Variants in ARL10 observed in about 807,000 individuals in gnomAD.
The protein encoded by ARL10 is ADP-ribosylation factor-like protein 10.
A neutral mutation model predicts 26.1 loss-of-function variants in ARL10; 23 were observed. The observed-to-expected ratio is 0.88, with a 90% CI of 0.63 to 1.25. The LOEUF is 1.25. Ranked by LOEUF, ARL10 falls within the 50% of genes most tolerant of loss-of-function variation. The pLI, the probability that ARL10 is intolerant of heterozygous loss-of-function variation, is 0.00. For missense variants in ARL10, 300 were observed against 323.6 expected (o/e 0.93, Z 0.56); for synonymous variants, 138 against 149.1 (o/e 0.93, Z 0.54).
At chr5:176,384,780 C>T (rs776287790), downstream of ARL10, 11 of 368,048 alleles carry the variant, frequency 3.0e-5, no homozygotes, top group Non-Finnish European at 2.4e-5. Flanking sequence ...AAAAAAAAGA[C>T]CAGGAAGGCC....
chr5:176,384,671 G>A (rs141990228), downstream of ARL10: 232 of 432,750 alleles, frequency 5.4e-4, 1 homozygote, highest in African/African-American at 3.5e-3. Flanking sequence ...TTGGGAGGCC[G>A]AGGCAGGAGG....
downstream of ARL10, chr5:176,388,900 T>C (rs769320805): frequency 2.5e-6 from 4 of 1,614,148 alleles, no homozygotes; most frequent in Admixed American, 6.7e-5. Flanking sequence ...TGAGCCCCAC[T>C]GTTTACAGGA....
intron 3 of ARL10, among the ~76,000 whole-genome samples, chr5:176,370,728 C>A (rs1279551315): frequency 6.6e-6 from 1 of 152,120 alleles, no homozygotes; most frequent in East Asian, 1.9e-4. Flanking sequence ...TCTAAGGTCC[C>A]AGCAGTCTCT....
At chr5:176,385,362 G>A, downstream of ARL10, 1 of 1,275,392 alleles carries the variant, frequency 7.8e-7, no homozygotes, top group Non-Finnish European at 1.1e-6. Flanking sequence ...GACAGGGAAT[G>A]AGGCTTTGCT....
exon 2 of ARL10, chr5:176,388,629 G>T: frequency 1.5e-6 from 2 of 1,377,884 alleles, no homozygotes; most frequent in Non-Finnish European, 2.0e-6. Flanking sequence ...CGTGCACAAG[G>T]CTTTGCGGGC....
At chr5:176,388,548 C>T (rs748648726) in exon 2 of ARL10, 1 of 1,604,590 alleles carries the variant, frequency 6.2e-7, no homozygotes, top group Non-Finnish European at 8.5e-7. Flanking sequence ...ATCGCGCTGA[C>T]CACCGCACCA....
At chr5:176,389,954 G>A (rs1581416231), downstream of ARL10, among the ~76,000 whole-genome samples, 1 of 152,122 alleles carries the variant, frequency 6.6e-6, no homozygotes, top group East Asian at 1.9e-4. Flanking sequence ...AGGCCGAAGC[G>A]AGCGGATCAC....
At chr5:176,386,696 C>A, downstream of ARL10, 1 of 769,754 alleles carries the variant, frequency 1.3e-6, no homozygotes, top group South Asian at 1.4e-5. Flanking sequence ...AGGACACAGT[C>A]CTAACTCTGT....
At chr5:176,409,111 G>A in the ARL10 span, among the ~76,000 whole-genome samples, 1 of 152,000 alleles carries the variant, frequency 6.6e-6, no homozygotes, top group Non-Finnish European at 1.5e-5. Context: ...CAAGTAGTTA[G>A]GATTATAGGC....
At chr5:176,388,448 G>A in exon 2 of ARL10, 3 of 1,614,154 alleles carry the variant, frequency 1.9e-6, no homozygotes, top group South Asian at 1.1e-5. Context: ...GATCCGCGGC[G>A]CTGCCTTCCG....
the ARL10 span, chr5:176,410,334 C>T: frequency 6.2e-7 from 1 of 1,604,124 alleles, no homozygotes; most frequent in Non-Finnish European, 8.5e-7. Flanking sequence ...TAGCATTACT[C>T]ACTGTTTAGC....
Position 176,372,519 on chromosome 5 carries a change from C to G in ARL10, c.*624C>G, listed in dbSNP as rs944734327. 1 of 173,380 alleles carries G rather than the reference C, an allele frequency of 5.8e-6. No individual in the cohort carries two copies. Among genetic ancestry groups the G allele is most frequent in the African/African-American group, 2.4e-5 (1 of 42,392 alleles). 10.7% of individuals were successfully genotyped at this position (173,380 alleles called of 1,614,324 possible). A position where few individuals can be genotyped will look rare whatever the true frequency, so the allele number is the denominator to read the frequency against. On this transcript the variant is annotated 3_prime_UTR_variant, in exon 4 of 4. Transcript: ENST00000310389. ...TGGGAGTGTGAAGTGCTAGGATGAA[C>G]CTGGCCATCCTAGCAAGGAGCTTTC...
At chr5:176,407,815 T>C in the ARL10 span, among the ~76,000 whole-genome samples, 1 of 152,324 alleles carries the variant, frequency 6.6e-6, no homozygotes, top group Admixed American at 6.5e-5. Context: ...GTCCTAGAGA[T>C]GGACTTTTCC....
At chr5:176,385,780 G>A (rs1003075003), downstream of ARL10, among the ~76,000 whole-genome samples, 16 of 152,174 alleles carry the variant, frequency 1.1e-4, no homozygotes, top group East Asian at 3.1e-3. Context: ...GAGCTGCCGG[G>A]TCTGGGGCCT....
downstream of ARL10, chr5:176,383,941 A>C: frequency 6.8e-7 from 1 of 1,478,372 alleles, no homozygotes; most frequent in Non-Finnish European, 8.9e-7. Flanking sequence ...AAATCATCAG[A>C]GAAGTAAAAT....
the ARL10 span, chr5:176,407,740 G>A: frequency 1.3e-5 from 2 of 152,228 alleles, no homozygotes; most frequent in Non-Finnish European, 2.9e-5. Flanking sequence ...GATCTACCAA[G>A]CTGCACAGAA....
At chr5:176,371,107 G>A (rs1768513552) in intron 3 of ARL10, among the ~76,000 whole-genome samples, 1 of 152,212 alleles carries the variant, frequency 6.6e-6, no homozygotes, top group Non-Finnish European at 1.5e-5. Flanking sequence ...GGGCGTGGTG[G>A]CTCATGCCTG....
the ARL10 span, among the ~76,000 whole-genome samples, chr5:176,410,046 A>G: frequency 6.6e-6 from 1 of 152,178 alleles, no homozygotes; most frequent in African/African-American, 2.4e-5. Context: ...GCTACTGCCC[A>G]TCAATCTCGA....
At chr5:176,369,565 A>C (rs1768466328) in intron 3 of ARL10, among the ~76,000 whole-genome samples, 1 of 152,050 alleles carries the variant, frequency 6.6e-6, no homozygotes, top group South Asian at 2.1e-4. Flanking sequence ...ATTTCTTCTT[A>C]TGCTTCTGTT....
Sources: allele counts gnomAD v4.1 joint callset (sites outside exome capture counted in the v4.1 genomes callset), GRCh38; gene constraint gnomAD v4.1.1; transcripts MANE v1.5; gene names NCBI Gene and HGNC (gene_info 2026-07-23, HGNC 2026-07-21).